SLC4A4: variants seen among roughly 807,000 people sequenced by gnomAD.
SLC4A4 encodes solute carrier family 4 member 4.
SLC4A4 carries 27 observed loss-of-function variants against 111.5 expected under a neutral mutation model. The ratio of observed to expected loss-of-function variants is 0.24; its 90% CI spans 0.18 to 0.33. The LOEUF is 0.33. Ranked by LOEUF, SLC4A4 falls within the 10% of genes least tolerant of loss-of-function variation. The probability of loss-of-function intolerance (pLI) is 1.00; values close to 1 mark genes in which losing one functional copy is unlikely to be tolerated. For synonymous variants in SLC4A4, 443 were observed against 463.4 expected (o/e 0.96, Z 0.57); for missense variants, 909 against 1,315.5 (o/e 0.69, Z 4.78).
At chr4:71,542,792 C>T (rs1269609574) in intron 18 of SLC4A4, among the ~76,000 whole-genome samples, 6 of 152,016 alleles carry the variant, frequency 3.9e-5, no homozygotes, top group African/African-American at 1.4e-4. Context: ...TTGTTTTGAC[C>T]AGCTCTACCA....
Position 71,349,896 on chromosome 4 carries a change from AATC to A in SLC4A4, c.390-15_390-13del. On this transcript the variant is annotated splice_polypyrimidine_tract_variant and intron_variant, in intron 4 of 25. Coordinates refer to ENST00000264485, the MANE Select transcript of SLC4A4 (RefSeq NM_001098484.3). ...AGAACACTTTTAATTGCTCTTCACT[AATC>A]TCATCTTCCTAGGTGGATCAAGTTT... The A allele has an allele frequency of 6.2e-7, 1 of 1,613,738 alleles. No homozygotes were observed. The highest frequency in any genetic ancestry group is 8.5e-7 in the Non-Finnish European group (1 of 1,179,704).
At chr4:71,207,024 A>T (rs1208529498) in intron 1 of SLC4A4, among the ~76,000 whole-genome samples, 3 of 152,170 alleles carry the variant, frequency 2.0e-5, no homozygotes, top group African/African-American at 7.2e-5. Context: ...CTGTAAAATA[A>T]GCATAATGGT....
chr4:71,358,818 A>G (rs1244932045), intron 6 of SLC4A4, among the ~76,000 whole-genome samples: 1 of 152,148 alleles, frequency 6.6e-6, no homozygotes, highest in Non-Finnish European at 1.5e-5. Flanking sequence ...TTTATTTAAC[A>G]ATTTATATTT....
intron 3 of SLC4A4, among the ~76,000 whole-genome samples, chr4:71,338,369 C>G (rs1193338990): frequency 6.6e-6 from 1 of 151,990 alleles, no homozygotes; most frequent in Non-Finnish European, 1.5e-5. Flanking sequence ...GTGTGTCTAT[C>G]CATAATAAAT....
At chr4:71,191,310 A>G (rs1340707914) in intron 1 of SLC4A4, among the ~76,000 whole-genome samples, 2 of 152,222 alleles carry the variant, frequency 1.3e-5, no homozygotes, top group African/African-American at 2.4e-5. Flanking sequence ...GTGCCTCTGT[A>G]GTTGTTTGTG....
At chr4:71,312,952 G>A (rs542080910) in intron 3 of SLC4A4, among the ~76,000 whole-genome samples, 1 of 129,598 alleles carries the variant, frequency 7.7e-6, no homozygotes, top group African/African-American at 3.5e-5. Context: ...GAAATAAAGG[G>A]TATTCAATTC....
intron 14 of SLC4A4, among the ~76,000 whole-genome samples, chr4:71,476,717 A>G (rs1244307447): frequency 6.6e-6 from 1 of 151,202 alleles, no homozygotes; most frequent in Admixed American, 6.6e-5. Flanking sequence ...TTCTCCATTC[A>G]TTTTGCTCCC....
chr4:71,408,175 A>C (rs1386218272), intron 7 of SLC4A4, among the ~76,000 whole-genome samples: 1 of 152,212 alleles, frequency 6.6e-6, no homozygotes, highest in East Asian at 1.9e-4. Context: ...GAGTATCAGC[A>C]CATAACATTG....
At chr4:71,352,229 A>G (rs1029038100) in intron 5 of SLC4A4, among the ~76,000 whole-genome samples, 5 of 152,204 alleles carry the variant, frequency 3.3e-5, no homozygotes, top group Admixed American at 2.6e-4. Context: ...TGGAGCAAAG[A>G]TGTCAAAAAT....
intron 2 of SLC4A4, among the ~76,000 whole-genome samples, chr4:71,140,114 A>G (rs1743954367): frequency 6.6e-6 from 1 of 152,134 alleles, no homozygotes; most frequent in Admixed American, 6.5e-5. Context: ...ATAGCATCCA[A>G]TGGGAATAAA....
intron 1 of SLC4A4, among the ~76,000 whole-genome samples, chr4:71,064,413 A>T (rs561902112): frequency 3.7e-4 from 56 of 152,210 alleles, no homozygotes; most frequent in Non-Finnish European, 7.1e-4. Flanking sequence ...TGCAGAGCCC[A>T]TTAGAGTCAT....
intron 12 of SLC4A4, among the ~76,000 whole-genome samples, chr4:71,456,889 T>C (rs997260856): frequency 3.3e-5 from 5 of 152,154 alleles, no homozygotes; most frequent in African/African-American, 1.2e-4. Flanking sequence ...TGGCAGAGCC[T>C]GAAATAATCT....
intron 6 of SLC4A4, among the ~76,000 whole-genome samples, chr4:71,360,020 A>G (rs546586750): frequency 2.7e-4 from 41 of 152,314 alleles, no homozygotes; most frequent in Non-Finnish European, 3.1e-4. Context: ...GATATCAGGG[A>G]TTTGCAAGCT....
At chr4:71,366,056 G>A (rs753330870) in intron 6 of SLC4A4, among the ~76,000 whole-genome samples, 4 of 152,106 alleles carry the variant, frequency 2.6e-5, no homozygotes, top group Non-Finnish European at 5.9e-5. Flanking sequence ...CACCAAACAT[G>A]GCAGACAGAT....
At chr4:71,086,275 A>G (rs1276384219) in intron 1 of SLC4A4, among the ~76,000 whole-genome samples, 1 of 151,612 alleles carries the variant, frequency 6.6e-6, no homozygotes, top group Non-Finnish European at 1.5e-5. Flanking sequence ...ACTTTGCTGA[A>G]GTTGCTTATC....
intron 14 of SLC4A4, among the ~76,000 whole-genome samples, chr4:71,479,736 C>G (rs950335263): frequency 1.3e-5 from 2 of 151,720 alleles, no homozygotes; most frequent in East Asian, 3.9e-4. Context: ...TTTACCGGCA[C>G]AGTTGACATT....
chr4:71,358,314 GA>G lies in SLC4A4; in HGVS notation c.730+1142del, dbSNP rs757154295. 6.4e-3 allele frequency among the ~76,000 whole-genome samples: 768 copies of G among 120,428 alleles called. 5 individuals are homozygous for G. Among genetic ancestry groups the G allele is most frequent in the African/African-American group, 0.014 (457 of 33,038 alleles). 79.0% of individuals were successfully genotyped at this position (120,428 alleles called of 152,430 possible). ...TGGGCTACAGAGCGAGACTCCGTCTGAAAAAAAAAAAAAAAGAGAGAGAGAG... is the reference window on the plus strand; with the variant it reads ...TGGGCTACAGAGCGAGACTCCGTCTGAAAAAAAAAAAAAAGAGAGAGAGAG... On this transcript the variant is annotated intron_variant, in intron 6 of 25. Transcript: ENST00000264485.
intron 19 of SLC4A4, among the ~76,000 whole-genome samples, chr4:71,547,429 G>A (rs1006527304): frequency 2.6e-5 from 4 of 152,044 alleles, no homozygotes; most frequent in South Asian, 2.1e-4. Context: ...TTCTTTCTTC[G>A]TGAATTCAAA....
chr4:71,186,390 G>C (rs570555890), upstream of SLC4A4, among the ~76,000 whole-genome samples: 5 of 152,324 alleles, frequency 3.3e-5, no homozygotes, highest in African/African-American at 1.2e-4. Flanking sequence ...AGTGATCTGA[G>C]CTGGGAAACT....
Sources: allele counts gnomAD v4.1 joint callset (sites outside exome capture counted in the v4.1 genomes callset), GRCh38; gene constraint gnomAD v4.1.1; transcripts MANE v1.5; gene names NCBI Gene and HGNC (gene_info 2026-07-23, HGNC 2026-07-21).